The following ZBTB7C variants were observed in gnomAD, a reference collection of about 807,000 sequenced individuals.
ZBTB7C encodes the protein zinc finger and BTB domain-containing protein 7C.
A neutral mutation model predicts 25.7 loss-of-function variants in ZBTB7C; 8 were observed. That is an observed-to-expected ratio of 0.31 (90% CI 0.18 to 0.56). The LOEUF is 0.56. Among genes scored for constraint, ZBTB7C ranks in the 20% least tolerant of loss-of-function variants. The pLI, the probability that ZBTB7C is intolerant of heterozygous loss-of-function variation, is 0.91. For synonymous variants in ZBTB7C, 394 were observed against 369.0 expected (o/e 1.07, Z -0.78); for missense variants, 824 against 855.2 (o/e 0.96, Z 0.46).
At chr18:48,404,189 T>C (rs1054594206) in intron 1 of ZBTB7C, among the ~76,000 whole-genome samples, 1 of 152,186 alleles carries the variant, frequency 6.6e-6, no homozygotes, top group African/African-American at 2.4e-5. Flanking sequence ...GAGGCGGTAG[T>C]TGCAGTGAGC....
intron 4 of ZBTB7C, among the ~76,000 whole-genome samples, chr18:48,030,747 C>T (rs1258008674): frequency 6.6e-6 from 1 of 152,208 alleles, no homozygotes; most frequent in Non-Finnish European, 1.5e-5. Context: ...AGAGCTGAAC[C>T]TGGTGCCAGA....
At chr18:48,047,579 TG>T (rs2036523731) in intron 3 of ZBTB7C, among the ~76,000 whole-genome samples, 1 of 152,184 alleles carries the variant, frequency 6.6e-6, no homozygotes, top group African/African-American at 2.4e-5. Flanking sequence ...GGACATCCCC[TG>T]GGCCTCTGCC....
intron 2 of ZBTB7C, among the ~76,000 whole-genome samples, chr18:48,279,608 C>A (rs1274310444): frequency 6.6e-6 from 1 of 152,188 alleles, no homozygotes; most frequent in Admixed American, 6.5e-5. Context: ...AGGAGTCAGA[C>A]AAGGGACAAC....
At chr18:48,091,313 C>T (rs1406363148) in intron 3 of ZBTB7C, among the ~76,000 whole-genome samples, 1 of 143,856 alleles carries the variant, frequency 7.0e-6, no homozygotes, top group African/African-American at 2.6e-5. Context: ...AAACTCCTGG[C>T]CCCAAGTGAT....
chr18:48,091,983 C>A (rs539059107), intron 3 of ZBTB7C, among the ~76,000 whole-genome samples: 1 of 152,270 alleles, frequency 6.6e-6, no homozygotes, highest in South Asian at 2.1e-4. Flanking sequence ...GGAAGAAGAA[C>A]CTTGGCAAAG....
At chr18:48,265,760 G>C (rs1055959239) in intron 2 of ZBTB7C, among the ~76,000 whole-genome samples, 1 of 152,166 alleles carries the variant, frequency 6.6e-6, no homozygotes, top group Middle Eastern at 3.2e-3. Context: ...CAACAAAATA[G>C]CATTCAGTCC....
At chr18:48,060,535 C>T (rs1338490376) in intron 3 of ZBTB7C, among the ~76,000 whole-genome samples, 2 of 152,148 alleles carry the variant, frequency 1.3e-5, no homozygotes, top group African/African-American at 4.8e-5. Flanking sequence ...TGGAAGATGT[C>T]ACCAGTGTGC....
chr18:48,391,311 GA>G (rs548158816), intron 1 of ZBTB7C, among the ~76,000 whole-genome samples: 12 of 152,176 alleles, frequency 7.9e-5, no homozygotes, highest in Non-Finnish European at 1.5e-4. Context: ...AGAACTCCAT[GA>G]AGTTGTCAAT....
At chr18:48,030,974 C>A (rs2035720665) in intron 4 of ZBTB7C, among the ~76,000 whole-genome samples, 1 of 152,224 alleles carries the variant, frequency 6.6e-6, no homozygotes, top group South Asian at 2.1e-4. Flanking sequence ...CCAGTGGGGC[C>A]ATAGGGGCCA....
rs118031542 is a variant in ZBTB7C at position 48,050,481 on chromosome 18, G to A, written c.-16-9358C>T. ...CCCTGCCAGGACACGCCTAGAGCCC[G>A]CAGTCCCCAGCTGAGCCTGGCCCAC... is the stretch of plus-strand genomic sequence containing the variant. On this transcript the variant is annotated intron_variant, in intron 3 of 4. Coordinates refer to ENST00000590800, the MANE Select transcript of ZBTB7C (RefSeq NM_001318841.2). Among the ~76,000 whole-genome samples the A allele has an allele frequency of 6.6e-5, 10 of 152,314 alleles. No individual in the cohort carries two copies. In the East Asian group the frequency reaches 1.7e-3, roughly 26 times the overall value.
intron 3 of ZBTB7C, among the ~76,000 whole-genome samples, chr18:48,091,044 T>C (rs1190705196): frequency 6.6e-6 from 1 of 151,814 alleles, no homozygotes; most frequent in Non-Finnish European, 1.5e-5. Context: ...CAATATATTT[T>C]AATCCAATAT....
intron 3 of ZBTB7C, among the ~76,000 whole-genome samples, chr18:48,104,215 T>G (rs1022770401): frequency 2.0e-5 from 3 of 152,190 alleles, no homozygotes; most frequent in Non-Finnish European, 4.4e-5. Context: ...AACGGCTTAG[T>G]GCTGTCCTCC....
At chr18:48,380,198 A>G (rs959401306) in intron 1 of ZBTB7C, among the ~76,000 whole-genome samples, 3 of 152,214 alleles carry the variant, frequency 2.0e-5, no homozygotes, top group African/African-American at 4.8e-5. Flanking sequence ...TGCTGACCTT[A>G]GTAGTTTTGG....
At chr18:48,041,429 CA>C in intron 3 of ZBTB7C, 1 of 985,454 alleles carries the variant, frequency 1.0e-6, no homozygotes, top group Non-Finnish European at 1.2e-6. Context: ...ACTTTGCCAA[CA>C]TGCAGTTGCA....
At chr18:48,141,781 T>C (rs1265183974) in intron 3 of ZBTB7C, among the ~76,000 whole-genome samples, 1 of 152,134 alleles carries the variant, frequency 6.6e-6, no homozygotes, top group Non-Finnish European at 1.5e-5. Flanking sequence ...TGGAACCAGC[T>C]CAAGGGAGGA....
intron 2 of ZBTB7C, among the ~76,000 whole-genome samples, chr18:48,264,201 T>C (rs1393740293): frequency 2.0e-5 from 3 of 152,184 alleles, no homozygotes; most frequent in South Asian, 2.1e-4. Flanking sequence ...CTTCATAAGA[T>C]ATTACATTAG....
intron 1 of ZBTB7C, among the ~76,000 whole-genome samples, chr18:48,404,998 G>C (rs187834356): frequency 2.7e-4 from 41 of 152,240 alleles, no homozygotes; most frequent in African/African-American, 9.6e-4. Flanking sequence ...TCTCCCCCTG[G>C]TAAAACCTGC....
At chr18:48,055,763 C>T (rs918416341) in intron 3 of ZBTB7C, among the ~76,000 whole-genome samples, 7 of 152,188 alleles carry the variant, frequency 4.6e-5, no homozygotes, top group Admixed American at 4.6e-4. Flanking sequence ...CCCTTTCCCT[C>T]CACCCCAACT....
At chr18:48,158,474 C>A (rs1598991528) in intron 3 of ZBTB7C, among the ~76,000 whole-genome samples, 1 of 152,084 alleles carries the variant, frequency 6.6e-6, no homozygotes, top group South Asian at 2.1e-4. Context: ...CTTCTCCCTC[C>A]CTGGTCCTTA....
Sources: gnomAD v4.1 joint callset for allele counts (sites outside exome capture counted in the v4.1 genomes callset) on GRCh38, gnomAD v4.1.1 for gene constraint, MANE v1.5 for transcripts, NCBI Gene and HGNC (gene_info 2026-07-23, HGNC 2026-07-21) for gene names.